APBB2: variants seen among roughly 807,000 people sequenced by gnomAD.
APBB2 encodes the protein amyloid beta precursor protein binding family B member 2.
In APBB2, 38 loss-of-function variants were observed where a neutral mutation model predicts 82.5. The observed-to-expected ratio is 0.46, with a 90% confidence interval of 0.36 to 0.60. APBB2 has a LOEUF of 0.60. Among genes scored for constraint, APBB2 ranks in the 20% least tolerant of loss-of-function variants. The pLI, the probability that APBB2 is intolerant of heterozygous loss-of-function variation, is 0.00. For synonymous variants in APBB2, 341 were observed against 368.2 expected (o/e 0.93, Z 0.85); for missense variants, 772 against 972.3 (o/e 0.79, Z 2.74).
Position 41,180,385 on chromosome 4 carries a change from G to A in APBB2, c.-417+34020C>T, listed in dbSNP as rs556911978. Among the ~76,000 whole-genome samples the A allele has an allele frequency of 2.6e-5, 4 of 152,160 alleles. No homozygotes were observed. In the South Asian group the frequency reaches 6.2e-4, roughly 24 times the overall value. ...CATGGGAGGGGGAGACGGGAGGACT[G>A]CCTGAGTCTAGAAGTTCAAGACCAG... On this transcript the variant is annotated intron_variant, in intron 1 of 17. Transcript: ENST00000508593.
At chr4:40,845,614 A>AAAAAAAAAAAAAC (rs1757298097) in intron 12 of APBB2, among the ~76,000 whole-genome samples, 1 of 136,334 alleles carries the variant, frequency 7.3e-6, no homozygotes, top group Non-Finnish European at 1.7e-5. Flanking sequence ...AAAAAAAAAA[A>AAAAAAAAAAAAAC]ACCAGCACAC....
At chr4:40,973,972 C>A (rs1796557941) in intron 6 of APBB2, among the ~76,000 whole-genome samples, 1 of 152,028 alleles carries the variant, frequency 6.6e-6, no homozygotes, top group Non-Finnish European at 1.5e-5. Flanking sequence ...CTGCCTCAGC[C>A]TTCCGAGTAG....
Position 40,826,258 on chromosome 4 carries a change from C to T in APBB2, c.1733-288G>A. 1 of 353,938 alleles carries T rather than the reference C, an allele frequency of 2.8e-6. No homozygotes were observed. The highest frequency in any genetic ancestry group is 3.2e-5 in the South Asian group (1 of 31,518). 21.9% of individuals were successfully genotyped at this position (353,938 alleles called of 1,614,324 possible). A position where few individuals can be genotyped will look rare whatever the true frequency, so the allele number is the denominator to read the frequency against. On this transcript the variant is annotated intron_variant, in intron 14 of 17. Coordinates refer to ENST00000508593, the MANE Select transcript of APBB2 (RefSeq NM_004307.2). The surrounding 1 kb of genome is among the most constrained non-coding windows in gnomAD (Gnocchi z 4.5). Reference sequence around the variant, plus strand: ...CTTTGATGTATATTAAGTAAAGTAGCAGCTTTTGGTGTCCTATTTAATTAG... The same window carrying T: ...CTTTGATGTATATTAAGTAAAGTAGTAGCTTTTGGTGTCCTATTTAATTAG...
chr4:41,142,581 C>T (rs1759561687), intron 2 of APBB2, among the ~76,000 whole-genome samples: 1 of 152,188 alleles, frequency 6.6e-6, no homozygotes, highest in Non-Finnish European at 1.5e-5. Context: ...TTCGAAAACA[C>T]AAATGAGTGC....
chr4:40,871,443 C>A (rs892736846), intron 12 of APBB2, among the ~76,000 whole-genome samples: 1 of 152,244 alleles, frequency 6.6e-6, no homozygotes, highest in African/African-American at 2.4e-5. Flanking sequence ...CCGCACCCGG[C>A]CTCAACTCCT....
At chr4:41,006,866 A>G (rs4861356) in intron 6 of APBB2, among the ~76,000 whole-genome samples, 16,319 of 152,290 alleles carry the variant, frequency 0.11, 984 homozygotes, top group Middle Eastern at 0.17. Context: ...GAGGTTTCTA[A>G]AAGTGTGAAA....
At chr4:40,822,654 C>T (rs1476917622) in intron 16 of APBB2, among the ~76,000 whole-genome samples, 1 of 152,184 alleles carries the variant, frequency 6.6e-6, no homozygotes, top group Admixed American at 6.5e-5. Context: ...TAGGGATGAA[C>T]ACCACATCCT....
chr4:40,941,761 G>T (rs539255537), intron 7 of APBB2, among the ~76,000 whole-genome samples: 1 of 152,148 alleles, frequency 6.6e-6, no homozygotes, highest in East Asian at 1.9e-4. Context: ...CTCCTAAGTA[G>T]CTTGGGCTAC....
intron 6 of APBB2, among the ~76,000 whole-genome samples, chr4:40,946,232 CAAA>C (rs55995119): frequency 0.28 from 21,755 of 78,344 alleles, 2,439 homozygotes; most frequent in East Asian, 0.51. Flanking sequence ...ACTCTATCTC[CAAA>C]AAAAAAAAAA....
chr4:40,865,650 G>A (rs1763874824), intron 12 of APBB2, among the ~76,000 whole-genome samples: 1 of 152,148 alleles, frequency 6.6e-6, no homozygotes, highest in Admixed American at 6.5e-5. Context: ...CCTTTGCATG[G>A]ATGTACAAGA....
chr4:41,134,708 A>G (rs1250225674), intron 2 of APBB2, among the ~76,000 whole-genome samples: 1 of 152,132 alleles, frequency 6.6e-6, no homozygotes, highest in Non-Finnish European at 1.5e-5. Context: ...GATCAAATGA[A>G]GTCTGCCCCC....
At chr4:40,940,757 G>C (rs922524736) in intron 7 of APBB2, among the ~76,000 whole-genome samples, 5 of 152,166 alleles carry the variant, frequency 3.3e-5, no homozygotes, top group African/African-American at 1.2e-4. Flanking sequence ...ACTTTCTTCT[G>C]TAGGAAGACC....
rs189279699 is a variant in APBB2, at chr4:41,136,155, T to C, written c.-261+6832A>G. Among the ~76,000 whole-genome samples, 633 of 152,310 alleles carry C rather than the reference T, an allele frequency of 4.2e-3. 3 individuals carry two copies. Among genetic ancestry groups the C allele is most frequent in the African/African-American group, 0.014 (591 of 41,558 alleles). Reference sequence around the variant, plus strand: ...AACTTCAGCTGGCAAAAAGGCTCTATTCAAAGTAAACGATGGTTAAGAGGT... The same window carrying C: ...AACTTCAGCTGGCAAAAAGGCTCTACTCAAAGTAAACGATGGTTAAGAGGT... On this transcript the variant is annotated intron_variant, in intron 2 of 17. Transcript: ENST00000508593.
intron 4 of APBB2, among the ~76,000 whole-genome samples, chr4:41,050,023 T>G (rs575371908): frequency 6.6e-6 from 1 of 152,164 alleles, no homozygotes; most frequent in East Asian, 1.9e-4. Context: ...CAGAGACCTG[T>G]GTTCACTTGT....
chr4:40,891,614 C>T (rs1029262686), intron 11 of APBB2, among the ~76,000 whole-genome samples: 2 of 152,212 alleles, frequency 1.3e-5, no homozygotes, highest in Non-Finnish European at 2.9e-5. Flanking sequence ...ATCTCAGTGC[C>T]TCTGTCAGAC....
intron 12 of APBB2, among the ~76,000 whole-genome samples, chr4:40,831,555 G>A (rs893058086): frequency 1.5e-4 from 23 of 152,280 alleles, no homozygotes; most frequent in East Asian, 1.2e-3. Context: ...CTTGAGGAGC[G>A]CATGAATCGC....
At chr4:41,194,473 A>G in intron 1 of APBB2, among the ~76,000 whole-genome samples, 1 of 152,222 alleles carries the variant, frequency 6.6e-6, no homozygotes, top group African/African-American at 2.4e-5. Flanking sequence ...GCTTGAGCCC[A>G]GGAGTTTGAG....
At chr4:40,847,367 C>T (rs931831085) in intron 12 of APBB2, among the ~76,000 whole-genome samples, 1 of 152,160 alleles carries the variant, frequency 6.6e-6, no homozygotes, top group Non-Finnish European at 1.5e-5. Context: ...GAGGCTGAGA[C>T]GTGAGAATCA....
chr4:40,841,439 A>G (rs1158765845), intron 12 of APBB2, among the ~76,000 whole-genome samples: 3 of 152,134 alleles, frequency 2.0e-5, no homozygotes, highest in African/African-American at 7.2e-5. Context: ...AATCAATCAA[A>G]CGGGCAGGCG....
Sources: gnomAD v4.1 joint callset for allele counts (sites outside exome capture counted in the v4.1 genomes callset) on GRCh38, gnomAD v4.1.1 for gene constraint, Gnocchi (gnomAD v3.1) non-coding constraint, MANE v1.5 for transcripts, NCBI Gene and HGNC (gene_info 2026-07-23, HGNC 2026-07-21) for gene names.